Variants in MYO3B observed in about 807,000 individuals in gnomAD.
MYO3B encodes myosin-IIIb.
MYO3B carries 156 observed loss-of-function variants against 174.6 expected under a neutral mutation model. The observed-to-expected ratio is 0.89, with a 90% CI of 0.78 to 1.02. The LOEUF is 1.02. Among genes scored for constraint, MYO3B ranks in the 50% least tolerant of loss-of-function variants. The pLI is 0.00. For missense variants in MYO3B, 1,632 were observed against 1,639.4 expected, an observed-to-expected ratio of 1.00 and a Z score of 0.08; for synonymous variants, 563 against 569.1, an observed-to-expected ratio of 0.99 and a Z score of 0.15.
At chr2:170,506,439 T>C (rs1405988708) in intron 28 of MYO3B, among the ~76,000 whole-genome samples, 1 of 152,240 alleles carries the variant, frequency 6.6e-6, no homozygotes, top group African/African-American at 2.4e-5. Flanking sequence ...GCTATTTGCC[T>C]ACGTGTGCAG....
At chr2:170,379,437 C>A (rs544148541) in intron 9 of MYO3B, among the ~76,000 whole-genome samples, 5 of 152,316 alleles carry the variant, frequency 3.3e-5, no homozygotes, top group African/African-American at 1.2e-4. Context: ...TTGTGATCCA[C>A]CCGCCTTGGC....
chr2:170,383,604 T>G (rs1324737993), intron 11 of MYO3B, 106 bp from the exon 12 acceptor site: 2 of 828,636 alleles, frequency 2.4e-6, no homozygotes, highest in African/African-American at 1.7e-5. Flanking sequence ...GTCTTCCTAA[T>G]GCAACAAGTA....
At chr2:170,643,891 A>G (rs1698168605) in intron 32 of MYO3B, 1 of 152,220 alleles carries the variant, frequency 6.6e-6, no homozygotes, top group Non-Finnish European at 1.5e-5. Flanking sequence ...CCTTCCTTGC[A>G]GTTGTCCTTC....
chr2:170,357,710 C>T (rs1235252497), intron 8 of MYO3B, among the ~76,000 whole-genome samples: 1 of 152,052 alleles, frequency 6.6e-6, no homozygotes, highest in Non-Finnish European at 1.5e-5. Context: ...TAAAATGATG[C>T]TATGATTTTG....
chr2:170,547,191 A>G (rs1027204714), intron 32 of MYO3B, among the ~76,000 whole-genome samples: 5 of 150,270 alleles, frequency 3.3e-5, no homozygotes, highest in East Asian at 1.9e-4. Flanking sequence ...ATAGCCGGGC[A>G]TGGTGGCAGG....
intron 16 of MYO3B, among the ~76,000 whole-genome samples, chr2:170,397,149 A>G (rs182416254): frequency 9.2e-5 from 14 of 152,366 alleles, no homozygotes; most frequent in Admixed American, 5.2e-4. Flanking sequence ...AAAGTAAAAA[A>G]AAATGACATA....
intron 6 of MYO3B, among the ~76,000 whole-genome samples, chr2:170,218,194 G>A (rs1421888820): frequency 6.6e-6 from 1 of 152,116 alleles, no homozygotes; most frequent in Non-Finnish European, 1.5e-5. Flanking sequence ...ACTAATCTCT[G>A]CTTAAATTTC....
At chr2:170,285,783 T>G (rs1411817954) in intron 7 of MYO3B, among the ~76,000 whole-genome samples, 2 of 150,566 alleles carry the variant, frequency 1.3e-5, no homozygotes, top group African/African-American at 4.9e-5. Context: ...AATCATTATT[T>G]ATGTGAAAGT....
chr2:170,188,261 G>A (rs1477839358), intron 1 of MYO3B, among the ~76,000 whole-genome samples: 1 of 151,990 alleles, frequency 6.6e-6, no homozygotes, highest in Non-Finnish European at 1.5e-5. Flanking sequence ...TCTAATGTAA[G>A]TATAGCTACC....
intron 10 of MYO3B, chr2:170,382,832 T>C: frequency 3.0e-6 from 1 of 334,664 alleles, no homozygotes; most frequent in African/African-American, 2.1e-5. Context: ...GATATCTCAG[T>C]GTCTTTTAGC....
At chr2:170,233,147 T>C (rs2093032230) in intron 6 of MYO3B, among the ~76,000 whole-genome samples, 1 of 152,252 alleles carries the variant, frequency 6.6e-6, no homozygotes, top group South Asian at 2.1e-4. Flanking sequence ...AGATACTTTT[T>C]ATTGTCTTGC....
chr2:170,332,964 C>A (rs1332899806), intron 7 of MYO3B, among the ~76,000 whole-genome samples: 2 of 152,116 alleles, frequency 1.3e-5, no homozygotes, highest in Admixed American at 1.3e-4. Context: ...CAGTGTTGAG[C>A]CTACTAGTGT....
intron 22 of MYO3B, among the ~76,000 whole-genome samples, chr2:170,427,273 C>CA (rs899538707): frequency 1.7e-4 from 26 of 150,940 alleles, no homozygotes; most frequent in African/African-American, 3.6e-4. Flanking sequence ...TTCACTCTTT[C>CA]AAAAAAAAAT....
intron 25 of MYO3B, among the ~76,000 whole-genome samples, chr2:170,485,424 G>C (rs867109498): frequency 6.3e-4 from 86 of 136,134 alleles, no homozygotes; most frequent in East Asian, 3.1e-3. Flanking sequence ...CACACACAGA[G>C]AGAGAGAGAG....
intron 9 of MYO3B, among the ~76,000 whole-genome samples, chr2:170,370,584 T>G (rs2094233723): frequency 6.6e-6 from 1 of 151,022 alleles, no homozygotes; most frequent in African/African-American, 2.4e-5. Flanking sequence ...TCTTCCTTGT[T>G]TTGGTTCCTA....
At position 170,523,635 on chromosome 2, in the gene MYO3B, A is replaced by G. The variant is rs77520929; in HGVS notation, c.3575+4095A>G. 1.8e-4 allele frequency among the ~76,000 whole-genome samples: 27 copies of G among 152,324 alleles called. No individual in the cohort carries two copies. The East Asian group carries it at 5.2e-3, about 29-fold the overall frequency. ...CGGTCAGCCATTCAGGAATGTCAGCAAAGACACAGGCCCCTTGCATCTCTT... is the reference window on the plus strand; with the variant it reads ...CGGTCAGCCATTCAGGAATGTCAGCGAAGACACAGGCCCCTTGCATCTCTT... On this transcript the variant is annotated intron_variant, in intron 30 of 34. Coordinates refer to ENST00000408978, the MANE Select transcript of MYO3B (RefSeq NM_138995.5).
chr2:170,413,889 A>C (rs1206023726), intron 22 of MYO3B, among the ~76,000 whole-genome samples: 1 of 151,816 alleles, frequency 6.6e-6, no homozygotes, highest in African/African-American at 2.4e-5. Context: ...AATACAAAAA[A>C]ATTAGCCAGG....
At chr2:170,535,356 C>T (rs750451309) in intron 30 of MYO3B, among the ~76,000 whole-genome samples, 4 of 152,084 alleles carry the variant, frequency 2.6e-5, no homozygotes, top group East Asian at 3.8e-4. Flanking sequence ...CAGTGTGGTA[C>T]GAGTGTGTAT....
chr2:170,324,899 A>C (rs35239464), intron 7 of MYO3B, among the ~76,000 whole-genome samples: 1,824 of 152,238 alleles, frequency 0.012, 34 homozygotes, highest in Admixed American at 0.04. Context: ...TCTGGCACCT[A>C]ATCTGGTGGC....
Sources: gnomAD v4.1 joint callset for allele counts (sites outside exome capture counted in the v4.1 genomes callset) on GRCh38, gnomAD v4.1.1 for gene constraint, MANE v1.5 for transcripts, NCBI Gene and HGNC (gene_info 2026-07-23, HGNC 2026-07-21) for gene names.